Variants in SCD5 observed in about 807,000 individuals in gnomAD.
SCD5 encodes the protein stearoyl-CoA desaturase 5.
Under a neutral mutation model 30.4 loss-of-function variants are expected in SCD5, and 20 were observed. That is an observed-to-expected ratio of 0.66 (90% CI 0.46 to 0.96). The LOEUF (loss-of-function observed/expected upper bound fraction) is 0.96, where lower values mean the gene tolerates loss of function less well. Among genes scored for constraint, SCD5 ranks in the 40% least tolerant of loss-of-function variants. The pLI is 0.00. For missense variants in SCD5, 381 were observed against 443.3 expected (o/e 0.86, Z 1.26); for synonymous variants, 173 against 176.4 (o/e 0.98, Z 0.16).
At chr4:82,755,198 T>C (rs1721207903) in intron 1 of SCD5, among the ~76,000 whole-genome samples, 1 of 151,460 alleles carries the variant, frequency 6.6e-6, no homozygotes, top group Non-Finnish European at 1.5e-5. Context: ...TCGAAAAAAT[T>C]AGGAGAGATG....
chr4:82,651,780 G>A (rs1727760608), intron 3 of SCD5, among the ~76,000 whole-genome samples: 1 of 152,168 alleles, frequency 6.6e-6, no homozygotes, highest in African/African-American at 2.4e-5. Context: ...AGGTGTGGTG[G>A]CACAAGCCTG....
chr4:82,790,177 C>T (rs1722072330), intron 1 of SCD5, among the ~76,000 whole-genome samples: 1 of 152,132 alleles, frequency 6.6e-6, no homozygotes, highest in Non-Finnish European at 1.5e-5. Flanking sequence ...ATCCCACCGA[C>T]AAGTGCTGGT....
chr4:82,687,063 C>G (rs1007507040), intron 2 of SCD5, among the ~76,000 whole-genome samples: 1 of 151,404 alleles, frequency 6.6e-6, no homozygotes, highest in South Asian at 2.1e-4. Context: ...CCCAGCTACT[C>G]GGGTGGCTGA....
At chr4:82,773,821 G>A (rs1287388683) in intron 1 of SCD5, among the ~76,000 whole-genome samples, 2 of 152,126 alleles carry the variant, frequency 1.3e-5, no homozygotes, top group Admixed American at 6.5e-5. Flanking sequence ...CATAGAGGCC[G>A]GGCGTGGTGG....
intron 1 of SCD5, among the ~76,000 whole-genome samples, chr4:82,786,792 T>TAAAAA (rs11462424): frequency 4.7e-5 from 6 of 127,192 alleles, no homozygotes; most frequent in African/African-American, 1.5e-4. Context: ...GACTTTGCCT[T>TAAAAA]AAAAAAAAAA....
intron 1 of SCD5, among the ~76,000 whole-genome samples, chr4:82,723,539 C>T (rs17006166): frequency 0.022 from 3,288 of 152,138 alleles, 119 homozygotes; most frequent in African/African-American, 0.075. Flanking sequence ...CCATAAGATG[C>T]GCTGATTATT....
intron 3 of SCD5, among the ~76,000 whole-genome samples, chr4:82,647,134 T>A (rs1000960749): frequency 8.5e-5 from 13 of 152,156 alleles, no homozygotes; most frequent in African/African-American, 3.1e-4. Flanking sequence ...CATCTCTACT[T>A]TTTTTGGTAG....
rs374432957 is a variant in SCD5, at chr4:82,637,291, A to G, written c.570-468T>C. Among the ~76,000 whole-genome samples the G allele has an allele frequency of 7.2e-5, 11 of 152,236 alleles. No homozygotes were observed. The East Asian group carries it at 1.5e-3, about 21-fold the overall frequency. On this transcript the variant is annotated intron_variant, in intron 3 of 4. Transcript: ENST00000319540. ...CAATTCTGTACTAACTCACCTTGGT[A>G]AAAAGGTAGACAATCTTCCACCCAA...
chr4:82,794,352 A>G (rs1722163897), intron 1 of SCD5, among the ~76,000 whole-genome samples: 2 of 152,198 alleles, frequency 1.3e-5, no homozygotes, highest in Non-Finnish European at 2.9e-5. Context: ...TGATGTCACT[A>G]TGGGACACAT....
intron 1 of SCD5, among the ~76,000 whole-genome samples, chr4:82,789,589 G>C (rs549483409): frequency 6.9e-4 from 105 of 152,346 alleles, no homozygotes; most frequent in African/African-American, 2.5e-3. Context: ...AACTGCAGCT[G>C]TAAGACTGTC....
intron 3 of SCD5, among the ~76,000 whole-genome samples, chr4:82,649,004 T>C (rs1313332810): frequency 6.6e-6 from 1 of 152,208 alleles, no homozygotes; most frequent in Non-Finnish European, 1.5e-5. Context: ...ATAATGGTTC[T>C]CTTTGTTTAT....
chr4:82,660,909 C>T (rs1409913406), intron 3 of SCD5: 1 of 1,614,090 alleles, frequency 6.2e-7, no homozygotes, highest in Middle Eastern at 1.7e-4. Flanking sequence ...AAAGAGCACG[C>T]AGCATCAAGC....
chr4:82,762,576 T>C (rs1463419907), intron 1 of SCD5, among the ~76,000 whole-genome samples: 1 of 152,110 alleles, frequency 6.6e-6, no homozygotes, highest in Non-Finnish European at 1.5e-5. Flanking sequence ...AGGTCCAGTC[T>C]CCTAACATTC....
intron 2 of SCD5, among the ~76,000 whole-genome samples, chr4:82,694,310 C>G (rs1325999747): frequency 6.6e-6 from 1 of 152,208 alleles, no homozygotes; most frequent in Non-Finnish European, 1.5e-5. Flanking sequence ...TTCCCACAGG[C>G]ATCATGTTCC....
chr4:82,682,760 C>T (rs114271614), intron 2 of SCD5, among the ~76,000 whole-genome samples: 3,616 of 152,192 alleles, frequency 0.024, 73 homozygotes, highest in South Asian at 0.097. Flanking sequence ...GTGATCCTCC[C>T]ACCTCAGTCT....
chr4:82,746,974 A>G (rs1721001438), intron 1 of SCD5, among the ~76,000 whole-genome samples: 1 of 151,888 alleles, frequency 6.6e-6, no homozygotes, highest in Non-Finnish European at 1.5e-5. Flanking sequence ...GAGAGGAGGA[A>G]CGGGGAACAC....
At chr4:82,646,657 T>C (rs902141079) in intron 3 of SCD5, among the ~76,000 whole-genome samples, 2 of 152,166 alleles carry the variant, frequency 1.3e-5, no homozygotes, top group Non-Finnish European at 2.9e-5. Context: ...TGATAAGCGT[T>C]CTGTAGAAGA....
intron 3 of SCD5, chr4:82,660,992 A>G (rs1268138857): frequency 1.9e-6 from 3 of 1,614,092 alleles, no homozygotes; most frequent in African/African-American, 2.7e-5. Context: ...GTGACTTTCA[A>G]TATATGCCCT....
At chr4:82,796,131 G>A (rs948702100) in intron 1 of SCD5, among the ~76,000 whole-genome samples, 1 of 152,088 alleles carries the variant, frequency 6.6e-6, no homozygotes, top group African/African-American at 2.4e-5. Flanking sequence ...TTAGCCGGGC[G>A]TGGTGGCGGG....
Sources: gnomAD v4.1 joint callset for allele counts (sites outside exome capture counted in the v4.1 genomes callset) on GRCh38, gnomAD v4.1.1 for gene constraint, MANE v1.5 for transcripts, NCBI Gene and HGNC (gene_info 2026-07-23, HGNC 2026-07-21) for gene names.